KDM6B: variants seen among roughly 807,000 people sequenced by gnomAD.
The protein encoded by KDM6B is lysine demethylase 6B.
In KDM6B, 22 loss-of-function variants were observed where a neutral mutation model predicts 150.4. The ratio of observed to expected loss-of-function variants is 0.15; its 90% CI spans 0.10 to 0.21. The LOEUF (loss-of-function observed/expected upper bound fraction) is 0.21, where lower values mean the gene tolerates loss of function less well. Ranked by LOEUF, KDM6B falls within the 10% of genes least tolerant of loss-of-function variation. KDM6B has a pLI of 1.00. For synonymous variants in KDM6B, 1,148 were observed against 921.1 expected, an observed-to-expected ratio of 1.25 and a Z score of -4.46; for missense variants, 1,984 against 2,234.3, an observed-to-expected ratio of 0.89 and a Z score of 2.26.
chr17:7,848,883 TTCC>T lies in KDM6B; in HGVS notation c.2598_2600del (p.Ser869del). 6.2e-7 allele frequency: 1 copy of T among 1,608,076 alleles called. No homozygotes were observed. Among genetic ancestry groups the T allele is most frequent in the South Asian group, 1.1e-5 (1 of 90,826 alleles). ...CCCAGGGCTCCCCACAGCCCTCTGC[TTCC>T]TCGTCATCTCAGTTCTCTACCTCAG... is the stretch of plus-strand genomic sequence containing the variant. On this transcript the variant is annotated inframe_deletion, in exon 12 of 24. Coordinates refer to ENST00000448097, the MANE Select transcript of KDM6B (RefSeq NM_001348716.2).
chr17:7,846,237 C>T lies in KDM6B; in HGVS notation c.396C>T (p.Ser132=), dbSNP rs759280783. 29 of 1,614,042 alleles carry T rather than the reference C, an allele frequency of 1.8e-5. No homozygotes were observed. The highest frequency in any genetic ancestry group is 1.1e-4 in the African/African-American group (8 of 75,050). The change falls in exon 7 of 24, where the codon AGC becomes AGT. Residue 132 remains serine, a synonymous_variant. Transcript: ENST00000448097. ...DSEEATRCYH[S]ALRYGGSFAE... ...AGGAGGCCACACGCTGCTACCACAG[C>T]GCCCTTCGATACGGAGGAAGCTTCG...
Position 7,853,613 on chromosome 17 carries a change from G to A in KDM6B, c.*92G>A. ...CTGGACCTAGGTCCCGCCTGTGGCC[G>A]AGAAGGGGGTCGGGCCCAGCCCTTC... On this transcript the variant is annotated 3_prime_UTR_variant, in exon 24 of 24. Transcript: ENST00000448097. 4 of 1,007,572 alleles carry A rather than the reference G, an allele frequency of 4.0e-6. No individual in the cohort carries two copies. Among genetic ancestry groups the A allele is most frequent in the South Asian group, 2.3e-5 (1 of 42,650 alleles). 62.4% of individuals were successfully genotyped at this position (1,007,572 alleles called of 1,614,324 possible).
Position 7,849,966 on chromosome 17 carries a change from C to G in KDM6B, c.3567+19C>G, listed in dbSNP as rs776940813. ...CATCTATGTATGTGTGCCACTTGGC[C>G]TCAGAACCACCCCTGCCAGAGGGTT... is the stretch of plus-strand genomic sequence containing the variant. On this transcript the variant is annotated intron_variant, in intron 13 of 23. Coordinates refer to ENST00000448097, the MANE Select transcript of KDM6B (RefSeq NM_001348716.2). 1 of 1,613,598 alleles carries G rather than the reference C, an allele frequency of 6.2e-7. No individual in the cohort carries two copies. Among genetic ancestry groups the G allele is most frequent in the Middle Eastern group, 1.6e-4 (1 of 6,062 alleles).
chr17:7,835,284 C>A (rs965499475), intron 1 of KDM6B, among the ~76,000 whole-genome samples: 4 of 152,066 alleles, frequency 2.6e-5, no homozygotes, highest in African/African-American at 9.7e-5. Flanking sequence ...GATTCGCTTC[C>A]TGTTTGCTGC....
At chr17:7,850,751 A>G (rs150628688) in intron 14 of KDM6B, among the ~76,000 whole-genome samples, 2 of 152,356 alleles carry the variant, frequency 1.3e-5, no homozygotes, top group African/African-American at 4.8e-5. Flanking sequence ...TGCGGTGCAC[A>G]TGGCCACGCA....
chr17:7,852,129 G>C lies in KDM6B; in HGVS notation c.4281-20G>C. 6.2e-7 allele frequency: 1 copy of C among 1,614,008 alleles called. No individual in the cohort carries two copies. Among genetic ancestry groups the C allele is most frequent in the South Asian group, 1.1e-5 (1 of 91,078 alleles). ...CGCCCTCGGTCCCCAGTTCCCACCT[G>C]ACCTGTGGCCACCCCGCAGGCACGG... On this transcript the variant is annotated intron_variant, in intron 19 of 23. Transcript: ENST00000448097.
chr17:7,854,745 C>A lies in KDM6B; in HGVS notation c.*1224C>A, dbSNP rs1295153761. ...GTCTTCCCAACCCTACCCCTATTTT[C>A]GGTGATTTTTGTGTGAGAATATTAA... On this transcript the variant is annotated 3_prime_UTR_variant, in exon 24 of 24. Coordinates refer to ENST00000448097, the MANE Select transcript of KDM6B (RefSeq NM_001348716.2). 3.5e-6 allele frequency: 1 copy of A among 285,608 alleles called. No homozygotes were observed. The highest frequency in any genetic ancestry group is 6.7e-6 in the Non-Finnish European group (1 of 148,560). The allele number at this position is 285,608 out of a possible 1,614,324, so 17.7% of individuals were successfully genotyped here.
At position 7,845,345 on chromosome 17, in the gene KDM6B, TG is replaced by T. The variant is rs2078509959; in HGVS notation, c.-112del. ...CTGTGAAAGGACTGAGGCAGCCATC[TG>T]GGGGTAGCGGGCACTCTTATCAGAG... is the stretch of plus-strand genomic sequence containing the variant. On this transcript the variant is annotated 5_prime_UTR_variant, in exon 4 of 24. Transcript: ENST00000448097. 6.1e-6 allele frequency: 4 copies of T among 657,798 alleles called. No individual in the cohort carries two copies. Among genetic ancestry groups the T allele is most frequent in the East Asian group, 5.4e-5 (2 of 36,818 alleles). The allele number at this position is 657,798 out of a possible 1,614,324, so 40.7% of individuals were successfully genotyped here.
rs1194785573 is a variant in KDM6B at position 7,844,903 on chromosome 17, T to A, written c.-266T>A. ...TCGCTCCCATTGGTTCCGGCCAGGC[T>A]GTTACTGAGGCGGAGACACGGGTGA... On this transcript the variant is annotated splice_region_variant and 5_prime_UTR_variant, in exon 3 of 24. Coordinates refer to ENST00000448097, the MANE Select transcript of KDM6B (RefSeq NM_001348716.2). The surrounding 1 kb of genome is among the most constrained non-coding windows in gnomAD (Gnocchi z 5.9). 1 of 163,358 alleles carries A rather than the reference T, an allele frequency of 6.1e-6. No homozygotes were observed. Among genetic ancestry groups the A allele is most frequent in the Admixed American group, 5.7e-5 (1 of 17,496 alleles). 10.1% of individuals were successfully genotyped at this position (163,358 alleles called of 1,614,324 possible).
In KDM6B at chr17:7,844,245, G is replaced by A. The variant is rs2078482989; in HGVS notation, c.-268-656G>A. ...CGAGAGAGGGGCCACTCGGGACCGC[G>A]GTGCGCGACTTCTCGGAAGTTGGGG... On this transcript the variant is annotated intron_variant, in intron 2 of 23. Transcript: ENST00000448097. The surrounding 1 kb of genome is among the most constrained non-coding windows in gnomAD (Gnocchi z 5.9). 6.6e-6 allele frequency: 1 copy of A among 152,262 alleles called. No individual in the cohort carries two copies. The highest frequency in any genetic ancestry group is 2.4e-5 in the African/African-American group (1 of 41,450). 9.4% of individuals were successfully genotyped at this position (152,262 alleles called of 1,614,324 possible). A position where few individuals can be genotyped will look rare whatever the true frequency, so the allele number is the denominator to read the frequency against.
chr17:7,854,766 A>C lies in KDM6B; in HGVS notation c.*1245A>C. 9.4e-6 allele frequency: 3 copies of C among 320,102 alleles called. No homozygotes were observed. The highest frequency in any genetic ancestry group is 6.6e-5 in the East Asian group (1 of 15,126). The allele number at this position is 320,102 out of a possible 1,614,324, so 19.8% of individuals were successfully genotyped here. A position where few individuals can be genotyped will look rare whatever the true frequency, so the allele number is the denominator to read the frequency against. On this transcript the variant is annotated 3_prime_UTR_variant, in exon 24 of 24. Transcript: ENST00000448097. The stretch of plus-strand genomic sequence containing the variant: ...TTTTCGGTGATTTTTGTGTGAGAAT[A>C]TTAATATTAAAAATAAACGGAGAAA...
rs1225126943 is a variant in KDM6B at position 7,845,580 on chromosome 17, G to C, written c.26G>C (p.Gly9Ala). The C allele has an allele frequency of 6.2e-7, 1 of 1,614,108 alleles. No homozygotes were observed. Residue 9 changes from glycine (G) to alanine (A), a missense_variant, in exon 5 of 24, where the codon GGG becomes GCG. Gly to Ala is a moderately conservative substitution (Grantham distance 60). This residue lies in a region of KDM6B where 337 missense variants were observed against 323.9 expected (regional missense o/e 1.04). Transcript: ENST00000448097. ...ATGCATCGGGCAGTGGACCCTCCAG[G>C]GGCCCGCGCTGCACGGGAAGCCTTT... Reference protein sequence around the residue: MHRAVDPPGARAAREAFAL... With the variant: MHRAVDPPAARAAREAFAL...
At chr17:7,841,970 C>T (rs1219543280) in intron 2 of KDM6B, among the ~76,000 whole-genome samples, 1 of 152,188 alleles carries the variant, frequency 6.6e-6, no homozygotes, top group African/African-American at 2.4e-5. Context: ...GGGCAGGGAG[C>T]GGGTTGCGAC....
intron 7 of KDM6B, 30 bp from the exon 8 acceptor site, chr17:7,846,370 T>TGGGGGG: frequency 6.0e-6 from 9 of 1,501,858 alleles, no homozygotes; most frequent in African/African-American, 1.4e-5. Context: ...ACCTGACATC[T>TGGGGGG]GCCCCTGCCC....
rs142815450 is a variant in KDM6B, at chr17:7,851,341, G to A, written c.3891G>A (p.Glu1297=). 4.3e-5 allele frequency: 70 copies of A among 1,614,036 alleles called. No individual in the cohort carries two copies. The highest frequency in any genetic ancestry group is 5.5e-5 in the Non-Finnish European group (65 of 1,180,046). ...SFQESLQEEK[E]SEDEESEEPD... is the part of the protein sequence containing the mutation. ...CTCTGGCTGAACAGGAGGAGAAGGA[G>A]AGTGAGGATGAGGAGTCAGAGGAGC... Residue 1297 remains glutamate (E), a synonymous_variant, in exon 16 of 24, where the codon GAG becomes GAA. Transcript: ENST00000448097.
Position 7,850,084 on chromosome 17 carries a change from C to T in KDM6B, c.3580C>T (p.Arg1194Trp). 2 of 1,613,876 alleles carry T rather than the reference C, an allele frequency of 1.2e-6. No homozygotes were observed. The highest frequency in any genetic ancestry group is 1.7e-6 in the Non-Finnish European group (2 of 1,180,008). The change falls in exon 14 of 24, where the codon CGG becomes TGG. Residue 1194 changes from arginine (R) to tryptophan (W), a missense_variant. Physicochemically the swap from Arg to Trp is moderately radical, Grantham distance 101 (BLOSUM62 -3). Around this residue, in one of 13 missense-constraint regions of KDM6B, gnomAD observed 15 missense variants for 48.7 expected, o/e 0.31. Transcript: ENST00000448097. ...GGTCATGTCTCAGCTGGAGAGCAAA[C>T]GGGATGCCTTCTCACCTGTCCTGCT... ...PTPSIYLESK[R>W]DAFSPVLLQF...
At position 7,853,655 on chromosome 17, in the gene KDM6B, C is replaced by T. The variant is rs2078751107; in HGVS notation, c.*134C>T. 3.9e-6 allele frequency: 2 copies of T among 512,944 alleles called. No individual in the cohort carries two copies. Among genetic ancestry groups the T allele is most frequent in the South Asian group, 7.6e-5 (1 of 13,194 alleles). The allele number at this position is 512,944 out of a possible 1,614,324, so 31.8% of individuals were successfully genotyped here. The stretch of plus-strand genomic sequence containing the variant: ...CAGCCCTTCCACCCCATTGGCAGCT[C>T]CCCTCACTTAATTTATTAAGAAAAA... On this transcript the variant is annotated 3_prime_UTR_variant, in exon 24 of 24. Transcript: ENST00000448097.
intron 21 of KDM6B, 69 bp downstream of exon 21, chr17:7,852,705 C>A: frequency 3.1e-6 from 5 of 1,596,772 alleles, no homozygotes; most frequent in Non-Finnish European, 4.3e-6. Context: ...TCCTGTCTGA[C>A]TCCACCCCAT....
At chr17:7,842,596 C>G (rs943123733) in intron 2 of KDM6B, among the ~76,000 whole-genome samples, 1 of 152,120 alleles carries the variant, frequency 6.6e-6, no homozygotes, top group African/African-American at 2.4e-5. Context: ...GGAGCGCGAG[C>G]TGGCGGCGAC....
Sources: gnomAD v4.1 joint callset for allele counts (sites outside exome capture counted in the v4.1 genomes callset) on GRCh38, gnomAD v4.1.1 for gene constraint, gnomAD v4.1.1 regional missense constraint, Gnocchi (gnomAD v3.1) non-coding constraint, MANE v1.5 for transcripts, NCBI Gene and HGNC (gene_info 2026-07-23, HGNC 2026-07-21) for gene names.